The following GALNTL6 variants were observed in gnomAD, a reference collection of about 807,000 sequenced individuals.
GALNTL6 encodes polypeptide N-acetylgalactosaminyltransferase like 6.
A neutral mutation model predicts 73.7 loss-of-function variants in GALNTL6; 46 were observed. The ratio of observed to expected loss-of-function variants is 0.62; its 90% CI spans 0.49 to 0.80. The LOEUF is 0.80. Ranked by LOEUF, GALNTL6 falls within the 30% of genes least tolerant of loss-of-function variation. The probability of loss-of-function intolerance (pLI) is 0.00; values close to 1 mark genes in which losing one functional copy is unlikely to be tolerated. For missense variants in GALNTL6, 604 were observed against 755.0 expected, an observed-to-expected ratio of 0.80 and a Z score of 2.34; for synonymous variants, 259 against 263.7, an observed-to-expected ratio of 0.98 and a Z score of 0.17.
At chr4:172,586,248 A>G (rs1455519858) in intron 5 of GALNTL6, among the ~76,000 whole-genome samples, 2 of 152,200 alleles carry the variant, frequency 1.3e-5, no homozygotes, top group African/African-American at 2.4e-5. Context: ...TAATTTTCTT[A>G]CCTATAAAGG....
chr4:172,629,503 CTA>C (rs1739303346), intron 5 of GALNTL6, among the ~76,000 whole-genome samples: 1 of 152,056 alleles, frequency 6.6e-6, no homozygotes, highest in Non-Finnish European at 1.5e-5. Flanking sequence ...ACTTTACCCT[CTA>C]TGTGACAAGC....
chr4:172,436,401 G>A (rs563863908), intron 5 of GALNTL6, among the ~76,000 whole-genome samples: 108 of 152,150 alleles, frequency 7.1e-4, no homozygotes, highest in African/African-American at 2.5e-3. Flanking sequence ...CATTCAGCAA[G>A]GCATTGCCCA....
At chr4:172,229,022 C>T (rs1736963872) in intron 2 of GALNTL6, among the ~76,000 whole-genome samples, 1 of 152,180 alleles carries the variant, frequency 6.6e-6, no homozygotes, top group Non-Finnish European at 1.5e-5. Context: ...TTTTTAAGAG[C>T]ACAGTTTTGG....
chr4:172,308,687 A>G (rs1352834238), intron 3 of GALNTL6, among the ~76,000 whole-genome samples: 1 of 152,164 alleles, frequency 6.6e-6, no homozygotes, highest in African/African-American at 2.4e-5. Context: ...GTATGGAATG[A>G]CATAGATCTA....
In GALNTL6 at chr4:172,505,458, T is replaced by C. The variant is rs1282997185; in HGVS notation, c.553+156769T>C. Reference sequence around the variant, plus strand: ...CATTGCTCAGAAATATTTCCAGAGATTTCAGTATTGATGCGTGAATGTTGG... The same window carrying C: ...CATTGCTCAGAAATATTTCCAGAGACTTCAGTATTGATGCGTGAATGTTGG... On this transcript the variant is annotated intron_variant, in intron 5 of 12. Transcript: ENST00000506823. Among the ~76,000 whole-genome samples the C allele has an allele frequency of 5.4e-5, 3 of 55,256 alleles. 1 individual carries two copies. The highest frequency in any genetic ancestry group is 1.3e-4 in the Non-Finnish European group (3 of 23,872). The allele number at this position is 55,256 out of a possible 152,430, so 36.3% of individuals were successfully genotyped here.
At chr4:172,279,615 G>A (rs992231584) in intron 3 of GALNTL6, among the ~76,000 whole-genome samples, 1 of 152,122 alleles carries the variant, frequency 6.6e-6, no homozygotes, top group African/African-American at 2.4e-5. Context: ...GCACTGCCCT[G>A]TTGCTGGGAA....
intron 2 of GALNTL6, among the ~76,000 whole-genome samples, chr4:171,868,038 G>T (rs1354224970): frequency 6.7e-6 from 1 of 149,106 alleles, no homozygotes; most frequent in Admixed American, 6.7e-5. Flanking sequence ...CCAGGCTGGA[G>T]TGCAGTGGCA....
chr4:171,985,951 T>A (rs2111087299), intron 2 of GALNTL6, among the ~76,000 whole-genome samples: 1 of 145,150 alleles, frequency 6.9e-6, no homozygotes. Flanking sequence ...GGCAGGAGAA[T>A]TGCTTGAATC....
chr4:172,582,739 CACACACAG>C (rs1288215740), intron 5 of GALNTL6, among the ~76,000 whole-genome samples: 1 of 125,954 alleles, frequency 7.9e-6, no homozygotes, highest in African/African-American at 3.5e-5. Flanking sequence ...GGAAATCACA[CACACACAG>C]ACACACACAC....
At chr4:172,865,404 A>G (rs2111148511) in intron 7 of GALNTL6, among the ~76,000 whole-genome samples, 1 of 152,332 alleles carries the variant, frequency 6.6e-6, no homozygotes, top group Admixed American at 6.5e-5. Flanking sequence ...TAGAGTCCAA[A>G]GTGACATCTG....
intron 5 of GALNTL6, among the ~76,000 whole-genome samples, chr4:172,581,382 C>T (rs138317136): frequency 2.0e-5 from 3 of 152,140 alleles, no homozygotes; most frequent in Admixed American, 1.3e-4. Context: ...CTCCTCTTCA[C>T]CTGTATGAAG....
intron 5 of GALNTL6, among the ~76,000 whole-genome samples, chr4:172,660,730 C>T (rs1455204184): frequency 1.3e-5 from 2 of 152,050 alleles, no homozygotes; most frequent in Non-Finnish European, 2.9e-5. Context: ...TCAAGTATGT[C>T]GTCAGAACTC....
chr4:172,942,276 T>C (rs1748952617), intron 9 of GALNTL6, among the ~76,000 whole-genome samples: 1 of 152,174 alleles, frequency 6.6e-6, no homozygotes, highest in Non-Finnish European at 1.5e-5. Flanking sequence ...TTCTGCCTGT[T>C]TGAAAGTCTG....
chr4:172,462,802 A>G (rs1480308349), intron 5 of GALNTL6, among the ~76,000 whole-genome samples: 1 of 152,214 alleles, frequency 6.6e-6, no homozygotes, highest in East Asian at 1.9e-4. Context: ...GGAAGAGGAG[A>G]AGGAAAAGTT....
intron 10 of GALNTL6, among the ~76,000 whole-genome samples, chr4:172,978,482 G>A (rs947914267): frequency 2.6e-5 from 4 of 152,024 alleles, no homozygotes; most frequent in Admixed American, 1.3e-4. Flanking sequence ...AAGAGACCCC[G>A]TCTCCACAGC....
At chr4:172,667,166 G>A (rs1308545899) in intron 5 of GALNTL6, 3 of 152,212 alleles carry the variant, frequency 2.0e-5, no homozygotes. Flanking sequence ...GTGGGGTAGT[G>A]GAGCGACTCC....
chr4:172,135,407 AAGAGAG>A (rs10602453), intron 2 of GALNTL6, among the ~76,000 whole-genome samples: 66,599 of 149,772 alleles, frequency 0.44, 15,291 homozygotes, highest in African/African-American at 0.56. Flanking sequence ...ACTTAGGAAA[AAGAGAG>A]AGAGAGAGAG....
intron 5 of GALNTL6, among the ~76,000 whole-genome samples, chr4:172,734,583 A>G (rs115342376): frequency 1.2e-3 from 181 of 152,256 alleles, no homozygotes; most frequent in African/African-American, 4.2e-3. Flanking sequence ...ACACTGCCGC[A>G]AGAGGTGGGT....
At chr4:172,956,963 G>A (rs1312932621) in intron 10 of GALNTL6, among the ~76,000 whole-genome samples, 2 of 152,134 alleles carry the variant, frequency 1.3e-5, no homozygotes, top group East Asian at 1.9e-4. Context: ...AGGTGGGAAG[G>A]CCAAACCGAG....
Sources: gnomAD v4.1 joint callset for allele counts (sites outside exome capture counted in the v4.1 genomes callset) on GRCh38, gnomAD v4.1.1 for gene constraint, MANE v1.5 for transcripts, NCBI Gene and HGNC (gene_info 2026-07-23, HGNC 2026-07-21) for gene names.